EXD3: variants seen among roughly 807,000 people sequenced by gnomAD.
The protein encoded by EXD3 is exonuclease 3'-5' domain containing 3, also known as exonuclease mut-7 homolog.
A neutral mutation model predicts 98.0 loss-of-function variants in EXD3; 92 were observed. The ratio of observed to expected loss-of-function variants is 0.94; its 90% confidence interval spans 0.79 to 1.12. The LOEUF is 1.12. Ranked by LOEUF, EXD3 falls within the 50% of genes most tolerant of loss-of-function variation. The pLI is 0.00. For synonymous variants in EXD3, 569 were observed against 526.0 expected (o/e 1.08, Z -1.12); for missense variants, 1,222 against 1,191.6 (o/e 1.03, Z -0.38).
At chr9:137,390,567 T>G (rs570762172) in intron 2 of EXD3, among the ~76,000 whole-genome samples, 2 of 152,342 alleles carry the variant, frequency 1.3e-5, no homozygotes, top group Admixed American at 6.5e-5. Flanking sequence ...GTATTGGCGT[T>G]AGAATCATCA....
intron 4 of EXD3, 35 bp downstream of exon 4, chr9:137,373,391 A>T: frequency 6.3e-7 from 1 of 1,596,148 alleles, no homozygotes; most frequent in Non-Finnish European, 8.5e-7. Flanking sequence ...CAGGGGCAGG[A>T]AGGGAGGTGA....
intron 2 of EXD3, among the ~76,000 whole-genome samples, chr9:137,394,200 T>C (rs1837091847): frequency 1.3e-5 from 1 of 75,822 alleles, no homozygotes; most frequent in Non-Finnish European, 2.9e-5. Flanking sequence ...CCTCCCAGCC[T>C]CCGCTTCCCT....
chr9:137,349,272 G>C lies in EXD3; in HGVS notation c.1668C>G (p.Ala556=). ...CTTGGTGCACCTCCAGCAGGCAGTA[G>C]GCGTCGGCAGCTGTGTGGGGAGTCG... ...EEQVIYAAAD[A]YCLLEVHQAL... The change falls in exon 16 of 22, where the codon GCC becomes GCG. Residue 556 remains alanine (A), a synonymous_variant. Transcript: ENST00000340951. This position sits in a 1 kb window ranked among gnomAD's most constrained non-coding sequence, Gnocchi z 7.4. 1 of 1,565,030 alleles carries C rather than the reference G, an allele frequency of 6.4e-7. No homozygotes were observed.
Position 137,395,967 on chromosome 9 carries a change from TTTC to T in EXD3, c.-47-566_-47-564del, listed in dbSNP as rs760820079. Among the ~76,000 whole-genome samples, 387 of 149,102 alleles carry T rather than the reference TTTC, an allele frequency of 2.6e-3. 5 individuals carry two copies. In the Middle Eastern group the frequency reaches 0.042, roughly 16 times the overall value. ...TGTTTTTTTTTCTTTTCTTTCTTTC[TTTC>T]TTTTTTTTTTTTTTGGAGACAGAGT... On this transcript the variant is annotated intron_variant, in intron 1 of 21. Coordinates refer to ENST00000340951, the MANE Select transcript of EXD3 (RefSeq NM_017820.5). The surrounding 1 kb of genome is among the most constrained non-coding windows in gnomAD (Gnocchi z 6.5).
intron 1 of EXD3, among the ~76,000 whole-genome samples, chr9:137,397,858 G>A (rs140955794): frequency 7.2e-5 from 11 of 152,268 alleles, no homozygotes; most frequent in Middle Eastern, 3.4e-3. Context: ...CAGAAGAGTC[G>A]CTGGAAGCCC....
rs924216251 is a variant in EXD3, at chr9:137,404,568, C to T, written c.-47-9164G>A. Among the ~76,000 whole-genome samples, 8 of 152,318 alleles carry T rather than the reference C, an allele frequency of 5.3e-5. No individual in the cohort carries two copies. In the South Asian group the frequency reaches 1.7e-3, roughly 32 times the overall value. On this transcript the variant is annotated intron_variant, in intron 1 of 21. Coordinates refer to ENST00000340951, the MANE Select transcript of EXD3 (RefSeq NM_017820.5). Reference sequence around the variant, plus strand: ...TTCTGAAAAATCATGCAAAAAAAATCACTAAAAGCCGGCCAGGCGCGGTGG... The same window carrying T: ...TTCTGAAAAATCATGCAAAAAAAATTACTAAAAGCCGGCCAGGCGCGGTGG...
chr9:137,354,419 A>G, intron 9 of EXD3, 42 bp from the exon 10 acceptor site: 1 of 1,611,792 alleles, frequency 6.2e-7, no homozygotes, highest in Non-Finnish European at 8.5e-7. Context: ...AGGCAGCTCC[A>G]GAGGCTGTAT....
intron 2 of EXD3, among the ~76,000 whole-genome samples, chr9:137,383,637 C>T (rs909796326): frequency 1.3e-5 from 2 of 152,220 alleles, no homozygotes; most frequent in African/African-American, 4.8e-5. Context: ...CACGCTCAGC[C>T]CTGGGAGCTG....
chr9:137,355,485 A>AGGAGGAAG (rs1564508228), intron 8 of EXD3, among the ~76,000 whole-genome samples: 2 of 62,110 alleles, frequency 3.2e-5, no homozygotes, highest in Non-Finnish European at 6.1e-5. Context: ...GGAAGGAGGA[A>AGGAGGAAG]GGAGGATGGA....
intron 1 of EXD3, among the ~76,000 whole-genome samples, chr9:137,411,211 C>T (rs1201689236): frequency 2.6e-5 from 4 of 152,320 alleles, no homozygotes; most frequent in East Asian, 3.9e-4. Flanking sequence ...GGAGCGCAGG[C>T]GTGGGAGGGG....
At position 137,371,912 on chromosome 9, in the gene EXD3, G is replaced by A. The variant is rs74873828; in HGVS notation, c.462+993C>T. Among the ~76,000 whole-genome samples, 201 of 151,746 alleles carry A rather than the reference G, an allele frequency of 1.3e-3. 6 individuals are homozygous for A. In the East Asian group the frequency reaches 0.031, roughly 24 times the overall value. On this transcript the variant is annotated intron_variant, in intron 5 of 21. Transcript: ENST00000340951. The surrounding 1 kb of genome is among the most constrained non-coding windows in gnomAD (Gnocchi z 8.0). ...AGCTCAGAGCCACCCCACGCAAGAC[G>A]GCCGCCTCCCTACCCACTGCAGGCC...
chr9:137,318,619 C>T (rs1376610627), intron 19 of EXD3, among the ~76,000 whole-genome samples: 1 of 152,130 alleles, frequency 6.6e-6, no homozygotes, highest in East Asian at 1.9e-4. Flanking sequence ...GTTCCCCACC[C>T]CCACCCTGCC....
At chr9:137,339,496 CAAAAAAAAA>C (rs57029740) in intron 17 of EXD3, among the ~76,000 whole-genome samples, 2 of 92,698 alleles carry the variant, frequency 2.2e-5, no homozygotes, top group Non-Finnish European at 4.6e-5. Context: ...GACGCCACTT[CAAAAAAAAA>C]AAAAAAAAAA....
At chr9:137,315,026 C>T (rs1033719705) in intron 19 of EXD3, among the ~76,000 whole-genome samples, 6 of 152,164 alleles carry the variant, frequency 3.9e-5, no homozygotes, top group African/African-American at 7.2e-5. Context: ...GACATGTGGC[C>T]GCCCGTGTCA....
intron 5 of EXD3, among the ~76,000 whole-genome samples, chr9:137,370,871 A>T (rs1181546944): frequency 6.6e-6 from 1 of 151,320 alleles, no homozygotes; most frequent in Non-Finnish European, 1.5e-5. Context: ...AAAATAACTC[A>T]GCGGACAAAA....
chr9:137,329,176 AG>A (rs1367253939), intron 17 of EXD3, among the ~76,000 whole-genome samples: 1 of 3,360 alleles, frequency 3.0e-4, no homozygotes, highest in Non-Finnish European at 4.2e-4. Context: ...GCTACACGGG[AG>A]CTACACGGGA....
At chr9:137,311,071 C>G (rs1265547170) in intron 19 of EXD3, among the ~76,000 whole-genome samples, 1 of 152,220 alleles carries the variant, frequency 6.6e-6, no homozygotes, top group Non-Finnish European at 1.5e-5. Flanking sequence ...AGAGGCTGCA[C>G]TACCTGCCTC....
At position 137,371,370 on chromosome 9, in the gene EXD3, C is replaced by T. The variant is rs928588961; in HGVS notation, c.462+1535G>A. ...GCCCCGGGCGTGGCAGGTGACAGCGCCAGGGGTGGGGCCCGCGCGGCCCAC... is the reference window on the plus strand; with the variant it reads ...GCCCCGGGCGTGGCAGGTGACAGCGTCAGGGGTGGGGCCCGCGCGGCCCAC... On this transcript the variant is annotated intron_variant, in intron 5 of 21. Coordinates refer to ENST00000340951, the MANE Select transcript of EXD3 (RefSeq NM_017820.5). The surrounding 1 kb of genome is among the most constrained non-coding windows in gnomAD (Gnocchi z 8.0). Among the ~76,000 whole-genome samples, 4 of 152,124 alleles carry T rather than the reference C, an allele frequency of 2.6e-5. No individual in the cohort carries two copies. Among genetic ancestry groups the T allele is most frequent in the African/African-American group, 2.4e-5 (1 of 41,428 alleles).
At chr9:137,410,450 A>G (rs987317874) in intron 1 of EXD3, among the ~76,000 whole-genome samples, 2 of 150,878 alleles carry the variant, frequency 1.3e-5, no homozygotes, top group Non-Finnish European at 3.0e-5. Flanking sequence ...GCACCACCGC[A>G]TTCCAGCCTG....
Sources: allele counts gnomAD v4.1 joint callset (sites outside exome capture counted in the v4.1 genomes callset), GRCh38; gene constraint gnomAD v4.1.1; non-coding constraint Gnocchi (gnomAD v3.1); transcripts MANE v1.5; gene names NCBI Gene and HGNC (gene_info 2026-07-23, HGNC 2026-07-21).